Variants in IFT140 observed in about 807,000 individuals in gnomAD.
IFT140 encodes the protein intraflagellar transport protein 140 homolog.
In IFT140, 133 loss-of-function variants were observed where a neutral mutation model predicts 164.6. The observed-to-expected ratio is 0.81, with a 90% CI of 0.70 to 0.93. IFT140 has a LOEUF of 0.93. Ranked by LOEUF, IFT140 falls within the 40% of genes least tolerant of loss-of-function variation. The pLI is 0.00. For synonymous variants in IFT140, 860 were observed against 817.3 expected, an observed-to-expected ratio of 1.05 and a Z score of -0.89; for missense variants, 2,045 against 1,972.3, an observed-to-expected ratio of 1.04 and a Z score of -0.70.
intron 3 of IFT140, among the ~76,000 whole-genome samples, chr16:1,603,779 C>A (rs1400117089): frequency 2.0e-5 from 3 of 152,220 alleles, no homozygotes; most frequent in Admixed American, 2.0e-4. Context: ...CCGTGCCCGG[C>A]CATGTGCTGT....
rs374346968 is a variant in IFT140 at position 1,602,418 on chromosome 16, G to A, written c.321C>T (p.Thr107=). The change falls in exon 4 of 31, where the codon ACC becomes ACT. Residue 107 remains threonine (T), a synonymous_variant. Transcript: ENST00000426508. Reference sequence around the variant, plus strand: ...TTCCACTGGGGCTCCAACGGAGCACGGTGATGTCGGCTGTGTGTGTCAGGG... The same window carrying A: ...TTCCACTGGGGCTCCAACGGAGCACAGTGATGTCGGCTGTGTGTGTCAGGG... ...TMPLTHTADI[T]VLRWSPSGNC... 1.4e-5 allele frequency: 22 copies of A among 1,614,108 alleles called. No homozygotes were observed. The highest frequency in any genetic ancestry group is 1.5e-5 in the Non-Finnish European group (18 of 1,180,056).
chr16:1,563,596 G>C (rs2141534417), intron 17 of IFT140, among the ~76,000 whole-genome samples: 1 of 152,110 alleles, frequency 6.6e-6, no homozygotes, highest in South Asian at 2.1e-4. Flanking sequence ...CCTCAAAGAG[G>C]AGACACCACA....
At chr16:1,561,666 C>A (rs760780654) in intron 18 of IFT140, among the ~76,000 whole-genome samples, 1 of 152,174 alleles carries the variant, frequency 6.6e-6, no homozygotes, top group Non-Finnish European at 1.5e-5. Flanking sequence ...GTTCAGCATT[C>A]GGGGAAAAGG....
chr16:1,569,081 T>C (rs9939899), intron 14 of IFT140, among the ~76,000 whole-genome samples: 27,811 of 148,272 alleles, frequency 0.19, 3,368 homozygotes, highest in African/African-American at 0.34. Context: ...CTCGGCTCAC[T>C]GCAAGCTCCG....
chr16:1,524,798 C>A lies in IFT140; in HGVS notation c.2983G>T (p.Gly995Cys). 6.2e-7 allele frequency: 1 copy of A among 1,610,234 alleles called. No individual in the cohort carries two copies. Among genetic ancestry groups the A allele is most frequent in the East Asian group, 2.2e-5 (1 of 44,708 alleles). ...GGGGACCTTACCTTCTGGACATTGCCCTGGAAGCAGTGGATGCGGACCAGG... is the reference window on the plus strand; with the variant it reads ...GGGGACCTTACCTTCTGGACATTGCACTGGAAGCAGTGGATGCGGACCAGG... Reference protein sequence around the residue: ...FSLVRIHCFQGNVQKAAQIAN... With the variant: ...FSLVRIHCFQCNVQKAAQIAN... The change falls in exon 23 of 31, where the codon GGC (glycine) becomes TGC (cysteine). Residue 995 changes from glycine (G) to cysteine (C), a missense_variant. Coordinates refer to ENST00000426508, the MANE Select transcript of IFT140 (RefSeq NM_014714.4).
Position 1,564,181 on chromosome 16 carries a change from C to T in IFT140, c.1902-19G>A. The T allele has an allele frequency of 6.5e-7, 1 of 1,544,886 alleles. No individual in the cohort carries two copies. Among genetic ancestry groups the T allele is most frequent in the Admixed American group, 1.8e-5 (1 of 55,178 alleles). On this transcript the variant is annotated intron_variant, in intron 16 of 30. Transcript: ENST00000426508. This position sits in a 1 kb window ranked among gnomAD's most constrained non-coding sequence, Gnocchi z 5.5. ...GTGGCTCCTAAAAGACAAAGGAAGA[C>T]CCGTTTCAACCCCAGGGCGGGCACT...
At chr16:1,548,920 C>T (rs915747138) in intron 19 of IFT140, among the ~76,000 whole-genome samples, 9 of 152,230 alleles carry the variant, frequency 5.9e-5, no homozygotes, top group Non-Finnish European at 1.3e-4. Flanking sequence ...GTGGAACACA[C>T]GGAAGGTTCC....
Position 1,518,268 on chromosome 16 carries a change from T to C in IFT140, c.4130A>G (p.Asp1377Gly). The change falls in exon 30 of 31, where the codon GAC becomes GGC. Residue 1377 changes from aspartate (D) to glycine (G), a missense_variant. Asp to Gly is a moderately conservative substitution (Grantham distance 94, BLOSUM62 -1). Coordinates refer to ENST00000426508, the MANE Select transcript of IFT140 (RefSeq NM_014714.4). The stretch of plus-strand genomic sequence containing the variant: ...GTGCTCCACCAGGAAGCCATAGACG[T>C]CCCCGATGCGGATGGTGCTGTCCAG... Reference protein sequence around the residue: ...PDLDSTIRIGDVYGFLVEHYV... With the variant: ...PDLDSTIRIGGVYGFLVEHYV... 2.5e-6 allele frequency: 4 copies of C among 1,614,110 alleles called. No homozygotes were observed. The highest frequency in any genetic ancestry group is 3.4e-6 in the Non-Finnish European group (4 of 1,180,032).
At chr16:1,542,199 C>A in intron 19 of IFT140, 1 of 1,107,970 alleles carries the variant, frequency 9.0e-7, no homozygotes, top group Non-Finnish European at 1.2e-6. Context: ...CTCAACATGG[C>A]CACAGGCCAC....
chr16:1,572,339 C>T (rs947678625), intron 13 of IFT140, among the ~76,000 whole-genome samples: 3 of 152,198 alleles, frequency 2.0e-5, no homozygotes, highest in East Asian at 1.9e-4. Flanking sequence ...GTCCCACAGT[C>T]GGCACGTTAG....
intron 30 of IFT140, among the ~76,000 whole-genome samples, chr16:1,513,921 C>T (rs1400747757): frequency 1.3e-5 from 2 of 149,802 alleles, no homozygotes; most frequent in Admixed American, 6.6e-5. Flanking sequence ...GATCTGCCCG[C>T]CTTGGCCTCC....
chr16:1,529,508 G>A (rs1192760511), intron 19 of IFT140, among the ~76,000 whole-genome samples: 3 of 152,232 alleles, frequency 2.0e-5, no homozygotes, highest in East Asian at 1.9e-4. Context: ...CAGGCGCAGC[G>A]TCCTGATCTC....
At position 1,592,635 on chromosome 16, in the gene IFT140, C is replaced by T. The variant is rs199728113; in HGVS notation, c.370-47G>A. The T allele has an allele frequency of 5.0e-4, 785 of 1,574,548 alleles. 4 individuals are homozygous for T. The highest frequency in any genetic ancestry group is 3.8e-3 in the South Asian group (326 of 86,836). ...TGTTAGGACAGGTGTCCCGGCAGAG[C>T]GACTGGTGGAGGGACAGGTGTCCTG... On this transcript the variant is annotated intron_variant, in intron 4 of 30. Coordinates refer to ENST00000426508, the MANE Select transcript of IFT140 (RefSeq NM_014714.4).
In IFT140 at chr16:1,589,652, A is replaced by G; in HGVS notation, c.763T>C (p.Ser255Pro). Residue 255 changes from serine (S) to proline (P), a missense_variant, in exon 7 of 31, where the codon TCC becomes CCC. Transcript: ENST00000426508. ...CCCTCAGGAGGCACCGTGTACAGGG[A>G]CAGCCGGAGGTTCTCTGTGACCACC... ...LVVVTENLRL[S>P]LYTVPPEGKA... The G allele has an allele frequency of 6.2e-7, 1 of 1,614,156 alleles. No individual in the cohort carries two copies. Among genetic ancestry groups the G allele is most frequent in the East Asian group, 2.2e-5 (1 of 44,880 alleles).
At chr16:1,552,324 C>T (rs564415390) in intron 19 of IFT140, among the ~76,000 whole-genome samples, 2 of 152,132 alleles carry the variant, frequency 1.3e-5, no homozygotes, top group East Asian at 3.9e-4. Flanking sequence ...TCCCACTGTC[C>T]CTGCCAAGAG....
intron 19 of IFT140, chr16:1,554,683 TA>T: frequency 1.3e-6 from 2 of 1,506,728 alleles, no homozygotes; most frequent in Admixed American, 2.0e-5. Flanking sequence ...TGGGGAAGGA[TA>T]AAGCAGGCTG....
chr16:1,574,910 C>G (rs749345380), intron 13 of IFT140, among the ~76,000 whole-genome samples: 2 of 152,316 alleles, frequency 1.3e-5, no homozygotes, highest in African/African-American at 4.8e-5. Context: ...GTCCCTGACA[C>G]AAACACTAAC....
rs891304446 is a variant in IFT140 at position 1,566,191 on chromosome 16, G to A, written c.1871C>T (p.Thr624Met). ...AGTCTCTTGCTCATTAAAGGACAGC[G>A]TCTCTCTCCGATCAATTTGTCCAGT... Reference protein sequence around the residue: ...FKTGQIDRRETLSFNEQETNK... With the variant: ...FKTGQIDRREMLSFNEQETNK... The change falls in exon 16 of 31, where the codon ACG (threonine) becomes ATG (methionine). Residue 624 changes from threonine (T) to methionine (M), a missense_variant. Coordinates refer to ENST00000426508, the MANE Select transcript of IFT140 (RefSeq NM_014714.4). The A allele has an allele frequency of 5.0e-6, 8 of 1,613,732 alleles. No individual in the cohort carries two copies. Among genetic ancestry groups the A allele is most frequent in the African/African-American group, 1.3e-5 (1 of 75,048 alleles).
chr16:1,603,218 G>A (rs933905994), intron 3 of IFT140, among the ~76,000 whole-genome samples: 24 of 152,092 alleles, frequency 1.6e-4, no homozygotes, highest in Non-Finnish European at 1.3e-4. Context: ...ATTTTAGTGC[G>A]TGGCTGGGTT....
Sources: gnomAD v4.1 joint callset for allele counts (sites outside exome capture counted in the v4.1 genomes callset) on GRCh38, gnomAD v4.1.1 for gene constraint, Gnocchi (gnomAD v3.1) non-coding constraint, MANE v1.5 for transcripts, NCBI Gene and HGNC (gene_info 2026-07-23, HGNC 2026-07-21) for gene names.